Variants in DNAH3 observed in about 807,000 individuals in gnomAD.
The protein encoded by DNAH3 is axonemal beta dynein heavy chain 3.
Under a neutral mutation model 432.5 loss-of-function variants are expected in DNAH3, and 332 were observed. The ratio of observed to expected loss-of-function variants is 0.77; its 90% CI spans 0.70 to 0.84. DNAH3 has a LOEUF of 0.84. Ranked by LOEUF, DNAH3 falls within the 40% of genes least tolerant of loss-of-function variation. The pLI is 0.00. For synonymous variants in DNAH3, 1,956 were observed against 1,900.2 expected (o/e 1.03, Z -0.76); for missense variants, 4,861 against 5,114.0 (o/e 0.95, Z 1.51).
chr16:20,962,463 A>T (rs1166852802), intron 53 of DNAH3, among the ~76,000 whole-genome samples: 1 of 152,166 alleles, frequency 6.6e-6, no homozygotes, highest in Non-Finnish European at 1.5e-5. Flanking sequence ...TCAGGTGAAA[A>T]GCTGGTGGGA....
intron 35 of DNAH3, 46 bp downstream of exon 35, chr16:21,036,668 C>A (rs748143616): frequency 3.8e-6 from 6 of 1,583,516 alleles, no homozygotes; most frequent in Non-Finnish European, 4.3e-6. Flanking sequence ...TTGCTGACTT[C>A]AGCAAACAGT....
chr16:21,076,851 T>G (rs1041315010), intron 20 of DNAH3, among the ~76,000 whole-genome samples: 4 of 152,206 alleles, frequency 2.6e-5, no homozygotes, highest in Admixed American at 6.5e-5. Context: ...ATAACTCAAT[T>G]TGTTGCTTTG....
At chr16:20,940,521 G>A (rs2083765254) in intron 59 of DNAH3, among the ~76,000 whole-genome samples, 1 of 151,744 alleles carries the variant, frequency 6.6e-6, no homozygotes, top group South Asian at 2.1e-4. Flanking sequence ...CGAGCTCCTG[G>A]CCTCCAAGAG....
intron 16 of DNAH3, among the ~76,000 whole-genome samples, chr16:21,100,070 A>T (rs922085735): frequency 4.6e-5 from 7 of 152,106 alleles, no homozygotes; most frequent in Middle Eastern, 3.2e-3. Context: ...TTAGAGAATT[A>T]ATTTTCAAGT....
chr16:21,096,511 A>C (rs947816719), intron 18 of DNAH3, among the ~76,000 whole-genome samples: 1 of 152,170 alleles, frequency 6.6e-6, no homozygotes, highest in Non-Finnish European at 1.5e-5. Context: ...TAATCTACAC[A>C]TCAATTATTC....
Position 21,111,779 on chromosome 16 carries a change from C to A in DNAH3, c.1946G>T (p.Arg649Ile), listed in dbSNP as rs188652923. Reference sequence around the variant, plus strand: ...GATGTTCATGGATGCAATTTCATTTCTCCGTTTCTTTATGGCATTGATCTT... The same window carrying A: ...GATGTTCATGGATGCAATTTCATTTATCCGTTTCTTTATGGCATTGATCTT... Residue 649 changes from arginine to isoleucine, a missense_variant, in exon 14 of 62, where the codon AGA (arginine) becomes ATA (isoleucine). Physicochemically the swap from Arg to Ile is moderately conservative, Grantham distance 97. Transcript: ENST00000261383. The A allele has an allele frequency of 1.8e-5, 29 of 1,613,734 alleles. No individual in the cohort carries two copies. In the Admixed American group the frequency reaches 4.3e-4, roughly 24 times the overall value.
chr16:21,015,791 A>AT (rs1477468645), intron 41 of DNAH3, among the ~76,000 whole-genome samples: 1 of 152,018 alleles, frequency 6.6e-6, no homozygotes, highest in African/African-American at 2.4e-5. Flanking sequence ...ATTGCTTGAG[A>AT]TTTTTTATTT....
Position 20,951,547 on chromosome 16 carries a change from A to G in DNAH3, c.11188+886T>C, listed in dbSNP as rs974900439. On this transcript the variant is annotated intron_variant, in intron 56 of 61. Coordinates refer to ENST00000261383, the Ensembl canonical transcript of DNAH3. Reference sequence around the variant, plus strand: ...GCACCTCCACATCCGGGGCTCAAGCAATCCTCCCACCTTAGTCCCCTGAGT... The same window carrying G: ...GCACCTCCACATCCGGGGCTCAAGCGATCCTCCCACCTTAGTCCCCTGAGT... Among the ~76,000 whole-genome samples, 4 of 151,008 alleles carry G rather than the reference A, an allele frequency of 2.6e-5. No individual in the cohort carries two copies. The East Asian group carries it at 5.9e-4, about 22-fold the overall frequency.
chr16:21,122,717 C>T (rs1321939188), intron 9 of DNAH3, among the ~76,000 whole-genome samples: 2 of 152,130 alleles, frequency 1.3e-5, no homozygotes, highest in Non-Finnish European at 2.9e-5. Context: ...TCAGCTAAAA[C>T]ATTTCTTCCT....
intron 26 of DNAH3, 85 bp downstream of exon 26, chr16:21,060,179 C>A (rs1185974190): frequency 8.7e-7 from 1 of 1,147,342 alleles, no homozygotes; most frequent in Non-Finnish European, 1.3e-6. Context: ...GAGGGTCCAG[C>A]CAAACTACTG....
At chr16:21,143,647 G>A (rs966188032) in intron 3 of DNAH3, among the ~76,000 whole-genome samples, 1 of 152,136 alleles carries the variant, frequency 6.6e-6, no homozygotes, top group Admixed American at 6.6e-5. Context: ...TTGAACATTT[G>A]GGCATTAATT....
chr16:21,066,253 A>G (rs1367760017), intron 24 of DNAH3, among the ~76,000 whole-genome samples: 1 of 152,038 alleles, frequency 6.6e-6, no homozygotes, highest in Non-Finnish European at 1.5e-5. Flanking sequence ...GTAAATTAGG[A>G]TCAAACATCC....
chr16:21,089,052 T>C (rs1005810877), intron 18 of DNAH3, among the ~76,000 whole-genome samples: 1 of 152,206 alleles, frequency 6.6e-6, no homozygotes, highest in Non-Finnish European at 1.5e-5. Flanking sequence ...CTGTAGGATA[T>C]TCACAGTAGT....
At chr16:21,000,182 TG>T (rs750648589) in intron 43 of DNAH3, 41 bp downstream of exon 43, 1 of 1,585,230 alleles carries the variant, frequency 6.3e-7, no homozygotes. Context: ...CAGCTTATGG[TG>T]GAAGAATCTG....
At chr16:21,058,176 G>A in exon 27 of DNAH3, 1 of 1,612,886 alleles carries the variant, frequency 6.2e-7, no homozygotes, top group Non-Finnish European at 8.5e-7. Context: ...GCCACTGTAA[G>A]ACCCAGTGAT....
At chr16:21,064,438 T>C (rs907678139) in intron 24 of DNAH3, among the ~76,000 whole-genome samples, 1 of 152,230 alleles carries the variant, frequency 6.6e-6, no homozygotes, top group African/African-American at 2.4e-5. Flanking sequence ...GCTAAACTGA[T>C]CATGTGAAAC....
chr16:20,955,580 G>A (rs2152598222), intron 54 of DNAH3, among the ~76,000 whole-genome samples: 1 of 152,118 alleles, frequency 6.6e-6, no homozygotes, highest in Admixed American at 6.5e-5. Context: ...GATTACAGGT[G>A]TGAGTCCCCG....
chr16:21,152,856 AG>A (rs1435699495), intron 1 of DNAH3, among the ~76,000 whole-genome samples: 14 of 152,356 alleles, frequency 9.2e-5, no homozygotes, highest in Non-Finnish European at 1.3e-4. Flanking sequence ...CGGGACTTGC[AG>A]CCCGCCATGC....
exon 21 of DNAH3, chr16:21,075,452 C>T: frequency 6.2e-7 from 1 of 1,611,290 alleles, no homozygotes; most frequent in Non-Finnish European, 8.5e-7. Flanking sequence ...CTCACAGTGT[C>T]CCTGTATTTC....
Sources: gnomAD v4.1 joint callset for allele counts (sites outside exome capture counted in the v4.1 genomes callset) on GRCh38, gnomAD v4.1.1 for gene constraint, MANE v1.5 for transcripts, NCBI Gene and HGNC (gene_info 2026-07-23, HGNC 2026-07-21) for gene names.